TFAP2B: variants seen among roughly 807,000 people sequenced by gnomAD.
TFAP2B encodes transcription factor AP-2 beta.
A neutral mutation model predicts 44.3 loss-of-function variants in TFAP2B; 9 were observed. The ratio of observed to expected loss-of-function variants is 0.20; its 90% CI spans 0.12 to 0.35. The LOEUF is 0.35. TFAP2B is among the 10% of genes least tolerant of loss of function. The pLI is 1.00. For missense variants in TFAP2B, 509 were observed against 600.0 expected (o/e 0.85, Z 1.59); for synonymous variants, 270 against 263.8 (o/e 1.02, Z -0.23).
rs575922530 is a variant in TFAP2B at position 50,836,301 on chromosome 6, A to G, written c.821+21A>G. On this transcript the variant is annotated intron_variant, in intron 4 of 6. Transcript: ENST00000393655. ...AGAAGGTAACCCCACCACGAAAAAC[A>G]AAAACAAAAACAAAAAAACAAACAA... 3 of 1,588,520 alleles carry G rather than the reference A, an allele frequency of 1.9e-6. No homozygotes were observed. The South Asian group carries it at 3.3e-5, about 18-fold the overall frequency.
intron 6 of TFAP2B, among the ~76,000 whole-genome samples, chr6:50,841,532 G>A (rs1762732620): frequency 6.6e-6 from 1 of 152,108 alleles, no homozygotes; most frequent in Admixed American, 6.5e-5. Flanking sequence ...ACCCACAAAT[G>A]ACTCTCATTT....
At chr6:50,832,376 A>G (rs767221640) in intron 3 of TFAP2B, among the ~76,000 whole-genome samples, 3 of 152,206 alleles carry the variant, frequency 2.0e-5, no homozygotes, top group Non-Finnish European at 4.4e-5. Flanking sequence ...CTCTGTCCCT[A>G]TAAGATGCCA....
rs2113967137 is a variant in TFAP2B at position 50,846,543 on chromosome 6, A to G, written c.*3151A>G. The G allele has an allele frequency of 6.6e-6, 1 of 152,528 alleles. No homozygotes were observed. The highest frequency in any genetic ancestry group is 1.5e-5 in the Non-Finnish European group (1 of 68,084). 9.4% of individuals were successfully genotyped at this position (152,528 alleles called of 1,614,324 possible). The stretch of plus-strand genomic sequence containing the variant: ...CTCAGTCCCAAAACAAAATAGCGAA[A>G]GACAGGAGGAGTCAGGATGTGGCAG... On this transcript the variant is annotated 3_prime_UTR_variant, in exon 7 of 7. Transcript: ENST00000393655.
chr6:50,843,095 A>G lies in TFAP2B; in HGVS notation c.1086A>G (p.Gln362=). The change falls in exon 7 of 7, where the codon CAA becomes CAG. Residue 362 remains glutamine (Q), a synonymous_variant. Coordinates refer to ENST00000393655, the MANE Select transcript of TFAP2B (RefSeq NM_003221.4). ...TGCCTCGCCCACCCCTTTGCAGGCA[A>G]CTTTGTAAAGAATTTACGGATCTAC... is the stretch of plus-strand genomic sequence containing the variant. ...SRKNMLLATK[Q]LCKEFTDLLA... The G allele has an allele frequency of 6.2e-7, 1 of 1,614,246 alleles. No individual in the cohort carries two copies. The highest frequency in any genetic ancestry group is 2.2e-5 in the East Asian group (1 of 44,886).
Position 50,836,232 on chromosome 6 carries a change from C to T in TFAP2B, c.773C>T (p.Ser258Leu), listed in dbSNP as rs773440187. ...VTVGEVQRRL[S>L]PPECLNASLL... ...GTGGGAGAAGTTCAGAGACGGCTGT[C>T]GCCCCCTGAATGCCTCAATGCATCT... The change falls in exon 4 of 7, where the codon TCG becomes TTG. Residue 258 changes from serine (S) to leucine (L), a missense_variant. This residue lies in a region of TFAP2B where 45 missense variants were observed against 108.6 expected (regional missense o/e 0.41). Coordinates refer to ENST00000393655, the MANE Select transcript of TFAP2B (RefSeq NM_003221.4). The T allele has an allele frequency of 5.0e-6, 8 of 1,612,928 alleles. No individual in the cohort carries two copies. The highest frequency in any genetic ancestry group is 2.0e-4 in the Middle Eastern group (1 of 5,018).
chr6:50,826,854 CT>C (rs1386512058), intron 2 of TFAP2B, among the ~76,000 whole-genome samples: 1 of 152,142 alleles, frequency 6.6e-6, no homozygotes, highest in African/African-American at 2.4e-5. Flanking sequence ...AAAGCAACCC[CT>C]GGTATCACTT....
intron 3 of TFAP2B, among the ~76,000 whole-genome samples, chr6:50,830,592 G>T (rs932527471): frequency 3.3e-5 from 5 of 152,134 alleles, no homozygotes; most frequent in Non-Finnish European, 5.9e-5. Context: ...GATTCAGAGG[G>T]TGTGGTATGA....
At chr6:50,840,045 C>T (rs1762695476) in intron 5 of TFAP2B, 111 bp from the exon 6 acceptor site, 3 of 1,443,914 alleles carry the variant, frequency 2.1e-6, no homozygotes, top group African/African-American at 1.4e-5. Flanking sequence ...CTTTTGGCTC[C>T]AACAGCTGGC....
intron 2 of TFAP2B, among the ~76,000 whole-genome samples, chr6:50,827,665 G>C (rs577696601): frequency 2.6e-5 from 4 of 152,218 alleles, no homozygotes; most frequent in African/African-American, 9.6e-5. Flanking sequence ...CAAGAAAGTA[G>C]TTGTAGATTT....
chr6:50,837,015 T>A (rs958404484), intron 4 of TFAP2B, among the ~76,000 whole-genome samples: 2 of 152,342 alleles, frequency 1.3e-5, no homozygotes, highest in South Asian at 4.1e-4. Flanking sequence ...TCCCTTGAAG[T>A]CCCTGCCAAT....
At chr6:50,823,285 C>A (rs1249979560) in intron 1 of TFAP2B, 122 bp from the exon 2 acceptor site, 2 of 878,668 alleles carry the variant, frequency 2.3e-6, no homozygotes, top group African/African-American at 1.7e-5. Context: ...AAAAGCCGGG[C>A]TTCTCCATTT....
intron 6 of TFAP2B, among the ~76,000 whole-genome samples, chr6:50,841,235 C>A (rs1240712689): frequency 1.3e-4 from 20 of 152,188 alleles, no homozygotes; most frequent in Admixed American, 1.3e-3. Flanking sequence ...CTCCCCAGTT[C>A]AGAATGTCTT....
At chr6:50,823,889 C>A in intron 2 of TFAP2B, 24 bp downstream of exon 2, 2 of 1,537,970 alleles carry the variant, frequency 1.3e-6, no homozygotes, top group Non-Finnish European at 1.7e-6. Context: ...AACAAACAAA[C>A]AAACAAAAAA....
At chr6:50,819,079 C>T (rs1351186290) in intron 1 of TFAP2B, 107 bp downstream of exon 1, 11 of 1,174,504 alleles carry the variant, frequency 9.4e-6, no homozygotes, top group Admixed American at 2.0e-5. Context: ...CGTAGATTTC[C>T]GGTCGGTTTT....
intron 3 of TFAP2B, among the ~76,000 whole-genome samples, chr6:50,831,821 C>T (rs1762502669): frequency 6.6e-6 from 1 of 152,136 alleles, no homozygotes; most frequent in African/African-American, 2.4e-5. Context: ...AGAAAATATT[C>T]TGGGATTTCT....
chr6:50,830,463 TAAAGTTGATGGTTCTGTTTTTGG>T (rs1770643068), intron 3 of TFAP2B: 1 of 257,302 alleles, frequency 3.9e-6, no homozygotes, highest in African/African-American at 2.3e-5. Flanking sequence ...GAATAATGAC[TAAAGTTGATGGTTCTGTTTTTGG>T]AAACAGAAGA....
At chr6:50,821,783 T>C (rs1485032949) in intron 1 of TFAP2B, 1 of 239,940 alleles carries the variant, frequency 4.2e-6, no homozygotes, top group African/African-American at 2.3e-5. Flanking sequence ...GTCATGAATA[T>C]CAATTATTAT....
At chr6:50,824,681 C>G (rs1443795337) in intron 2 of TFAP2B, among the ~76,000 whole-genome samples, 1 of 152,200 alleles carries the variant, frequency 6.6e-6, no homozygotes, top group Non-Finnish European at 1.5e-5. Flanking sequence ...AGAGGCATCA[C>G]GTGTTTATTT....
chr6:50,836,290 C>A lies in TFAP2B; in HGVS notation c.821+10C>A, dbSNP rs760097654. 22 of 1,605,648 alleles carry A rather than the reference C, an allele frequency of 1.4e-5. No individual in the cohort carries two copies. In the Admixed American group the frequency reaches 3.5e-4, roughly 26 times the overall value. Reference sequence around the variant, plus strand: ...GCGGAGTCCTCAGAAGGTAACCCCACCACGAAAAACAAAAACAAAAACAAA... The same window carrying A: ...GCGGAGTCCTCAGAAGGTAACCCCAACACGAAAAACAAAAACAAAAACAAA... On this transcript the variant is annotated intron_variant, in intron 4 of 6. Coordinates refer to ENST00000393655, the MANE Select transcript of TFAP2B (RefSeq NM_003221.4).
Sources: allele counts gnomAD v4.1 joint callset (sites outside exome capture counted in the v4.1 genomes callset), GRCh38; gene constraint gnomAD v4.1.1; regional missense constraint gnomAD v4.1.1; transcripts MANE v1.5; gene names NCBI Gene and HGNC (gene_info 2026-07-23, HGNC 2026-07-21).